The following DRG1 variants were observed in gnomAD, a reference collection of about 807,000 sequenced individuals.
DRG1 encodes the protein developmentally-regulated GTP-binding protein 1.
Under a neutral mutation model 38.8 loss-of-function variants are expected in DRG1, and 19 were observed. The ratio of observed to expected loss-of-function variants is 0.49; its 90% CI spans 0.34 to 0.72. The LOEUF (loss-of-function observed/expected upper bound fraction) is 0.72, where lower values mean the gene tolerates loss of function less well. DRG1 is among the 30% of genes least tolerant of loss of function. The pLI is 0.01. For synonymous variants in DRG1, 167 were observed against 157.5 expected (o/e 1.06, Z -0.45); for missense variants, 299 against 444.8 (o/e 0.67, Z 2.95).
At chr22:31,428,659 CTGTTT>C (rs940132272) in intron 8 of DRG1, among the ~76,000 whole-genome samples, 56 of 152,226 alleles carry the variant, frequency 3.7e-4, no homozygotes, top group African/African-American at 1.3e-3. Context: ...TTACTAGTGT[CTGTTT>C]TGTGTTCCAG....
chr22:31,406,838 A>C (rs1350638871), intron 3 of DRG1, among the ~76,000 whole-genome samples: 1 of 152,140 alleles, frequency 6.6e-6, no homozygotes, highest in Non-Finnish European at 1.5e-5. Flanking sequence ...TTTAATTTTT[A>C]CCTGTTTTTT....
intron 3 of DRG1, among the ~76,000 whole-genome samples, chr22:31,407,204 C>CT (rs1308433137): frequency 1.3e-5 from 2 of 152,062 alleles, no homozygotes; most frequent in Non-Finnish European, 2.9e-5. Flanking sequence ...CTAAAGTTAC[C>CT]TTTTTTTGGA....
At chr22:31,403,804 C>T (rs1015190497) in intron 3 of DRG1, among the ~76,000 whole-genome samples, 2 of 151,942 alleles carry the variant, frequency 1.3e-5, no homozygotes, top group African/African-American at 2.4e-5. Context: ...TTTAATGACC[C>T]TTTTTCCAGC....
At chr22:31,407,198 A>G (rs1423714459) in intron 3 of DRG1, among the ~76,000 whole-genome samples, 1 of 152,146 alleles carries the variant, frequency 6.6e-6, no homozygotes, top group Non-Finnish European at 1.5e-5. Context: ...GTTTCTCTAA[A>G]GTTACCTTTT....
chr22:31,408,518 C>T (rs944285709), intron 3 of DRG1, among the ~76,000 whole-genome samples: 9 of 151,422 alleles, frequency 5.9e-5, no homozygotes, highest in Non-Finnish European at 8.8e-5. Flanking sequence ...GAGACTGACG[C>T]GAGCAGATCA....
intron 5 of DRG1, 85 bp from the exon 6 acceptor site, chr22:31,423,195 T>C: frequency 6.5e-7 from 1 of 1,548,548 alleles, no homozygotes; most frequent in Non-Finnish European, 8.8e-7. Flanking sequence ...TTAGCTAGAA[T>C]TTTCCAGGTA....
chr22:31,408,462 G>C (rs2050001268), intron 3 of DRG1, among the ~76,000 whole-genome samples: 1 of 151,172 alleles, frequency 6.6e-6, no homozygotes, highest in South Asian at 2.1e-4. Context: ...CTATGAAAAA[G>C]CAAGGCCAGA....
In DRG1 at chr22:31,405,681, G is replaced by GT. The variant is rs1347470603; in HGVS notation, c.342+2477_342+2478insT. 7.4e-5 allele frequency among the ~76,000 whole-genome samples: 11 copies of GT among 148,666 alleles called. 1 individual carries two copies. The South Asian group carries it at 2.4e-3, about 32-fold the overall frequency. Reference sequence around the variant, plus strand: ...TACTGTTGGGCATGTGTGTGTGTGTGGGGGGGTTTATTTATTTTTTTATTT... The same window carrying GT: ...TACTGTTGGGCATGTGTGTGTGTGTGTGGGGGGTTTATTTATTTTTTTATTT... On this transcript the variant is annotated intron_variant, in intron 3 of 8. Transcript: ENST00000331457.
At chr22:31,402,847 G>A (rs956484658) in intron 2 of DRG1, among the ~76,000 whole-genome samples, 182 bp from the exon 3 acceptor site, 2 of 152,008 alleles carry the variant, frequency 1.3e-5, no homozygotes, top group Non-Finnish European at 2.9e-5. Context: ...ACACTGCATT[G>A]AATTTTGTGA....
At chr22:31,418,139 C>CA in intron 4 of DRG1, among the ~76,000 whole-genome samples, 1 of 151,232 alleles carries the variant, frequency 6.6e-6, no homozygotes, top group South Asian at 2.1e-4. Context: ...TACTGCATCT[C>CA]AAAAAAAGAA....
chr22:31,403,800 G>T (rs1310394887), intron 3 of DRG1, among the ~76,000 whole-genome samples: 1 of 151,830 alleles, frequency 6.6e-6, no homozygotes, highest in Non-Finnish European at 1.5e-5. Context: ...TATTTTTAAT[G>T]ACCCTTTTTC....
At chr22:31,415,406 A>G (rs1258842683) in intron 4 of DRG1, among the ~76,000 whole-genome samples, 1 of 152,200 alleles carries the variant, frequency 6.6e-6, no homozygotes, top group Non-Finnish European at 1.5e-5. Flanking sequence ...GACATTATAA[A>G]TATCTTCTCC....
intron 8 of DRG1, among the ~76,000 whole-genome samples, chr22:31,431,872 C>G (rs1204901935): frequency 6.6e-6 from 1 of 152,102 alleles, no homozygotes; most frequent in African/African-American, 2.4e-5. Flanking sequence ...TAAACACTGT[C>G]CTTTTTCAAA....
chr22:31,406,676 GA>G (rs763887549), intron 3 of DRG1, among the ~76,000 whole-genome samples: 350 of 135,842 alleles, frequency 2.6e-3, no homozygotes, highest in Middle Eastern at 0.011. Flanking sequence ...CCCTGTCCCG[GA>G]AAAAAAAAAA....
chr22:31,401,943 C>T (rs542690383), intron 2 of DRG1, among the ~76,000 whole-genome samples: 5 of 151,710 alleles, frequency 3.3e-5, no homozygotes, highest in Non-Finnish European at 7.4e-5. Flanking sequence ...CCCAGCTACT[C>T]AGGAGGCCGA....
At chr22:31,416,254 G>A (rs769175632) in intron 4 of DRG1, among the ~76,000 whole-genome samples, 1 of 152,042 alleles carries the variant, frequency 6.6e-6, no homozygotes, top group Non-Finnish European at 1.5e-5. Flanking sequence ...TCCAGCCTGC[G>A]TGACAGAGTG....
At chr22:31,412,389 C>T (rs1171771178) in intron 4 of DRG1, among the ~76,000 whole-genome samples, 4 of 133,576 alleles carry the variant, frequency 3.0e-5, no homozygotes, top group Admixed American at 8.3e-5. Flanking sequence ...CTCGCTCTGT[C>T]GCCCAGGCTA....
chr22:31,425,146 T>C (rs1359951168), intron 6 of DRG1, among the ~76,000 whole-genome samples: 1 of 152,064 alleles, frequency 6.6e-6, no homozygotes, highest in Admixed American at 6.6e-5. Flanking sequence ...ATTTCTGACA[T>C]CCTTCCTTGC....
intron 4 of DRG1, among the ~76,000 whole-genome samples, chr22:31,413,147 T>C (rs536893658): frequency 6.6e-6 from 1 of 152,100 alleles, no homozygotes; most frequent in Admixed American, 6.6e-5. Context: ...CAGGCTGGAG[T>C]GCAGCGGCCT....
Sources: allele counts gnomAD v4.1 joint callset (sites outside exome capture counted in the v4.1 genomes callset), GRCh38; gene constraint gnomAD v4.1.1; transcripts MANE v1.5; gene names NCBI Gene and HGNC (gene_info 2026-07-23, HGNC 2026-07-21).